Variants in CHCHD3 observed in about 807,000 individuals in gnomAD.
The protein encoded by CHCHD3 is coiled-coil-helix-coiled-coil-helix domain containing 3.
Under a neutral mutation model 38.2 loss-of-function variants are expected in CHCHD3, and 20 were observed. That is an observed-to-expected ratio of 0.52 (90% CI 0.37 to 0.76). The LOEUF (loss-of-function observed/expected upper bound fraction) is 0.76. Ranked by LOEUF, CHCHD3 falls within the 30% of genes least tolerant of loss-of-function variation. The probability of loss-of-function intolerance (pLI) is 0.00; values close to 1 mark genes in which losing one functional copy is unlikely to be tolerated. For synonymous variants in CHCHD3, 82 were observed against 100.0 expected (o/e 0.82, Z 1.07); for missense variants, 245 against 279.2 (o/e 0.88, Z 0.87).
intron 4 of CHCHD3, among the ~76,000 whole-genome samples, chr7:132,929,153 C>T (rs1373411878): frequency 6.6e-6 from 1 of 152,140 alleles, no homozygotes; most frequent in East Asian, 1.9e-4. Context: ...TTTTTAACCA[C>T]CTGAAACCTG....
intron 4 of CHCHD3, among the ~76,000 whole-genome samples, chr7:132,947,974 T>C (rs1009630770): frequency 1.3e-5 from 2 of 152,058 alleles, no homozygotes; most frequent in African/African-American, 4.8e-5. Flanking sequence ...CCACAGTCAG[T>C]TGAAAGACAC....
intron 5 of CHCHD3, among the ~76,000 whole-genome samples, chr7:132,855,975 A>C (rs1808335661): frequency 6.6e-6 from 1 of 152,198 alleles, no homozygotes; most frequent in East Asian, 1.9e-4. Flanking sequence ...ATATTCATGA[A>C]AATCTGTCCC....
rs753965249 is a variant in CHCHD3, at chr7:133,010,951, G to T, written c.251+13595C>A. Among the ~76,000 whole-genome samples, 3 of 152,174 alleles carry T rather than the reference G, an allele frequency of 2.0e-5. 1 individual carries two copies. In the South Asian group the frequency reaches 6.2e-4, roughly 32 times the overall value. ...ATAAAGAAACATAAAGCAGGAAAAG[G>T]ACAGCTAGGATGAGAGAACAGGAAA... On this transcript the variant is annotated intron_variant, in intron 3 of 7. Transcript: ENST00000262570.
chr7:132,875,949 G>A (rs1808886374), intron 5 of CHCHD3, among the ~76,000 whole-genome samples: 1 of 152,168 alleles, frequency 6.6e-6, no homozygotes, highest in Non-Finnish European at 1.5e-5. Context: ...ATGTTTTAAT[G>A]ACCAAATATA....
intron 6 of CHCHD3, among the ~76,000 whole-genome samples, chr7:132,827,617 T>C (rs181314603): frequency 2.0e-5 from 3 of 152,226 alleles, no homozygotes; most frequent in Non-Finnish European, 4.4e-5. Flanking sequence ...AGAAGTTACA[T>C]ACCTGTATAT....
intron 4 of CHCHD3, among the ~76,000 whole-genome samples, chr7:132,947,406 T>C (rs542883702): frequency 3.3e-4 from 50 of 151,424 alleles, no homozygotes; most frequent in African/African-American, 1.2e-3. Context: ...GAAGTTGGAG[T>C]AAAGAAAAAA....
Position 132,886,664 on chromosome 7 carries a change from G to A in CHCHD3, c.370-919C>T, listed in dbSNP as rs546158343. ...TATGTGTATATATGTATATATGTGT[G>A]TATATATACATATATATACACACAC... On this transcript the variant is annotated intron_variant, in intron 4 of 7. Coordinates refer to ENST00000262570, the MANE Select transcript of CHCHD3 (RefSeq NM_017812.4). 9.3e-5 allele frequency among the ~76,000 whole-genome samples: 14 copies of A among 150,500 alleles called. No individual in the cohort carries two copies. In the South Asian group the frequency reaches 2.3e-3, roughly 25 times the overall value.
intron 4 of CHCHD3, among the ~76,000 whole-genome samples, chr7:132,903,217 C>T (rs1448412604): frequency 6.6e-6 from 1 of 152,204 alleles, no homozygotes; most frequent in Non-Finnish European, 1.5e-5. Context: ...TACCTCCTCC[C>T]ATACATGTTA....
At chr7:132,817,688 G>T (rs1313825097) in intron 6 of CHCHD3, among the ~76,000 whole-genome samples, 1 of 151,950 alleles carries the variant, frequency 6.6e-6, no homozygotes, top group Non-Finnish European at 1.5e-5. Context: ...ATTTCTTAAT[G>T]GTTCTCTCTT....
rs149300949 is a variant in CHCHD3 at position 132,917,668 on chromosome 7, T to A, written c.370-31923A>T. 6.5e-3 allele frequency among the ~76,000 whole-genome samples: 990 copies of A among 151,980 alleles called. 11 individuals carry two copies. The highest frequency in any genetic ancestry group is 0.022 in the African/African-American group (918 of 41,450). On this transcript the variant is annotated intron_variant, in intron 4 of 7. Transcript: ENST00000262570. ...GGTCAGGAGATCGAGACCATCCTGGTTAACACGGTGAAACCCCCGTCTCTA... is the reference window on the plus strand; with the variant it reads ...GGTCAGGAGATCGAGACCATCCTGGATAACACGGTGAAACCCCCGTCTCTA...
intron 6 of CHCHD3, among the ~76,000 whole-genome samples, chr7:132,804,453 C>T (rs1381717045): frequency 6.6e-6 from 1 of 152,062 alleles, no homozygotes; most frequent in African/African-American, 2.4e-5. Context: ...AGGGGTGACT[C>T]GGGTGGTGCG....
chr7:133,063,293 G>A (rs562781055), intron 2 of CHCHD3, among the ~76,000 whole-genome samples: 1 of 152,228 alleles, frequency 6.6e-6, no homozygotes, highest in African/African-American at 2.4e-5. Flanking sequence ...CCCATCCATG[G>A]AGCAGTAGTT....
chr7:133,060,012 A>G (rs1158086799), intron 2 of CHCHD3, among the ~76,000 whole-genome samples: 2 of 152,238 alleles, frequency 1.3e-5, no homozygotes, highest in African/African-American at 2.4e-5. Flanking sequence ...TTGTAACACA[A>G]TGAAGTACAT....
At chr7:132,912,069 G>A (rs1809965912) in intron 4 of CHCHD3, among the ~76,000 whole-genome samples, 1 of 152,126 alleles carries the variant, frequency 6.6e-6, no homozygotes, top group Admixed American at 6.5e-5. Flanking sequence ...CCCTCTGTAA[G>A]CAACTACTCA....
At chr7:133,005,783 T>C in intron 3 of CHCHD3, among the ~76,000 whole-genome samples, 1 of 152,252 alleles carries the variant, frequency 6.6e-6, no homozygotes, top group Admixed American at 6.5e-5. Context: ...AGCTGTTTTA[T>C]TTCTTCTGTG....
chr7:132,791,325 A>T (rs1212347901), intron 7 of CHCHD3, among the ~76,000 whole-genome samples: 3 of 152,194 alleles, frequency 2.0e-5, no homozygotes, highest in African/African-American at 7.2e-5. Flanking sequence ...TTTGAATTTA[A>T]GAGTGGGCTG....
intron 3 of CHCHD3, among the ~76,000 whole-genome samples, chr7:133,005,004 C>T (rs1812664577): frequency 6.6e-6 from 1 of 151,852 alleles, no homozygotes; most frequent in Non-Finnish European, 1.5e-5. Context: ...GGGTTCAATG[C>T]AATTTCAATA....
chr7:133,025,993 G>T (rs968748389), intron 2 of CHCHD3, among the ~76,000 whole-genome samples: 2 of 152,196 alleles, frequency 1.3e-5, no homozygotes, highest in Non-Finnish European at 1.5e-5. Flanking sequence ...GAAGATACAT[G>T]AAAGATCAGA....
chr7:132,891,391 T>C (rs1258308556), intron 4 of CHCHD3, among the ~76,000 whole-genome samples: 1 of 152,168 alleles, frequency 6.6e-6, no homozygotes, highest in African/African-American at 2.4e-5. Context: ...GCTGGAAATG[T>C]TAAACTGCAC....
Sources: gnomAD v4.1 joint callset for allele counts (sites outside exome capture counted in the v4.1 genomes callset) on GRCh38, gnomAD v4.1.1 for gene constraint, MANE v1.5 for transcripts, NCBI Gene and HGNC (gene_info 2026-07-23, HGNC 2026-07-21) for gene names.